The following SPACDR variants were observed in gnomAD, a reference collection of about 807,000 sequenced individuals.
SPACDR encodes the protein uncharacterized protein C7orf61.
the SPACDR span, chr7:100,464,027 T>C: frequency 4.4e-5 from 69 of 1,576,586 alleles, no homozygotes; most frequent in Non-Finnish European, 5.5e-5. Flanking sequence ...CACAACCATC[T>C]CTCTTGATGG....
chr7:100,464,194 C>G, the SPACDR span: 23 of 1,476,974 alleles, frequency 1.6e-5, no homozygotes, highest in Non-Finnish European at 2.0e-5. Flanking sequence ...CTGGGGGAAG[C>G]CCCTCCTGGC....
the SPACDR span, among the ~76,000 whole-genome samples, chr7:100,457,992 T>TTTTTG: frequency 3.3e-5 from 5 of 151,636 alleles, no homozygotes; most frequent in Non-Finnish European, 4.4e-5. Flanking sequence ...TTAAACTGTT[T>TTTTTG]TTTTGTTTTG....
At chr7:100,462,104 C>T in the SPACDR span, among the ~76,000 whole-genome samples, 50 of 152,192 alleles carry the variant, frequency 3.3e-4, no homozygotes, top group African/African-American at 1.2e-3. Flanking sequence ...GGATACTGAA[C>T]TAGCAATGCC....
the SPACDR span, among the ~76,000 whole-genome samples, chr7:100,461,823 A>G: frequency 6.6e-6 from 1 of 151,744 alleles, no homozygotes; most frequent in East Asian, 2.0e-4. Flanking sequence ...CCCTGCCTCT[A>G]CTAAAAATAC....
the SPACDR span, chr7:100,463,395 G>T: frequency 1.9e-5 from 31 of 1,610,500 alleles, no homozygotes; most frequent in Non-Finnish European, 2.4e-5. Flanking sequence ...CCGCTCTGCA[G>T]GGCAGAGACC....
the SPACDR span, chr7:100,463,344 G>A: frequency 4.5e-6 from 7 of 1,544,838 alleles, no homozygotes; most frequent in Non-Finnish European, 6.1e-6. Context: ...GAGGGAGGGG[G>A]TGTTAGGATG....
the SPACDR span, chr7:100,457,021 G>A: frequency 4.0e-6 from 6 of 1,515,160 alleles, no homozygotes; most frequent in East Asian, 1.2e-4. Flanking sequence ...TGCGTAAATA[G>A]CTGGGTCTAG....
At chr7:100,457,697 T>G in the SPACDR span, among the ~76,000 whole-genome samples, 1 of 144,718 alleles carries the variant, frequency 6.9e-6, no homozygotes, top group East Asian at 2.1e-4. Context: ...CTCAGCTCAC[T>G]GCAACCTCCA....
chr7:100,457,855 ATATTTTT>A, the SPACDR span, among the ~76,000 whole-genome samples: 21 of 67,998 alleles, frequency 3.1e-4, no homozygotes, highest in Non-Finnish European at 4.1e-4. Context: ...ATATATATAT[ATATTTTT>A]TTTTTTTTTT....
the SPACDR span, among the ~76,000 whole-genome samples, chr7:100,458,193 C>T: frequency 8.9e-6 from 1 of 111,958 alleles, no homozygotes; most frequent in Admixed American, 1.1e-4. Context: ...CTTGTACTCA[C>T]TGGTGTGTGT....
the SPACDR span, chr7:100,463,308 G>T: frequency 4.1e-4 from 559 of 1,372,212 alleles, 1 homozygote; most frequent in Non-Finnish European, 4.6e-4. Context: ...TCAGAGGGAG[G>T]GGTGAGTCAC....
chr7:100,459,684 C>T, the SPACDR span, among the ~76,000 whole-genome samples: 5 of 152,118 alleles, frequency 3.3e-5, no homozygotes, highest in Non-Finnish European at 7.3e-5. Flanking sequence ...AGGCTGGCCT[C>T]GAAACCCTGG....
At chr7:100,457,379 C>T in the SPACDR span, among the ~76,000 whole-genome samples, 1 of 151,860 alleles carries the variant, frequency 6.6e-6, no homozygotes, top group Non-Finnish European at 1.5e-5. Context: ...AGTACAGTGG[C>T]ATGATCTCAG....
At chr7:100,462,761 C>T in the SPACDR span, among the ~76,000 whole-genome samples, 1 of 149,536 alleles carries the variant, frequency 6.7e-6, no homozygotes, top group African/African-American at 2.4e-5. Flanking sequence ...GATCCTCCTG[C>T]CTCAGCCTCC....
At chr7:100,458,966 C>T in the SPACDR span, among the ~76,000 whole-genome samples, 18 of 151,346 alleles carry the variant, frequency 1.2e-4, no homozygotes, top group East Asian at 3.9e-4. Context: ...TTCACACCCA[C>T]GTTACTGTGT....
the SPACDR span, chr7:100,463,731 G>A: frequency 6.6e-7 from 1 of 1,526,216 alleles, no homozygotes; most frequent in Non-Finnish European, 9.1e-7. Context: ...AGAGGGGCAG[G>A]GCAGAGACAA....
chr7:100,462,888 T>A, the SPACDR span, among the ~76,000 whole-genome samples: 1 of 147,688 alleles, frequency 6.8e-6, no homozygotes, highest in Admixed American at 6.7e-5. Flanking sequence ...GGCAGGTGGA[T>A]CACTTGAGGC....
chr7:100,463,304 GGAGGGGT>G, the SPACDR span: 6 of 1,349,102 alleles, frequency 4.4e-6, no homozygotes, highest in South Asian at 6.9e-5. Flanking sequence ...GTAATCAGAG[GGAGGGGT>G]GAGTCACTGG....
chr7:100,463,931 A>G, the SPACDR span: 1 of 1,596,738 alleles, frequency 6.3e-7, no homozygotes, highest in East Asian at 2.3e-5. Flanking sequence ...ATCCCAGCGC[A>G]TCATGAGGAC....
Sources: allele counts gnomAD v4.1 joint callset (sites outside exome capture counted in the v4.1 genomes callset), GRCh38; gene constraint gnomAD v4.1.1; transcripts MANE v1.5; gene names NCBI Gene and HGNC (gene_info 2026-07-23, HGNC 2026-07-21).